MRM2: variants seen among roughly 807,000 people sequenced by gnomAD.
MRM2 encodes mitochondrial rRNA methyltransferase 2.
In MRM2, 15 loss-of-function variants were observed where a neutral mutation model predicts 10.9. The observed-to-expected ratio is 1.37, with a 90% confidence interval of 0.92 to 2.11. The LOEUF is 2.11. Ranked by LOEUF, MRM2 falls within the 30% of genes most tolerant of loss-of-function variation. The probability of loss-of-function intolerance (pLI) is 0.00; values close to 1 mark genes in which losing one functional copy is unlikely to be tolerated. For synonymous variants in MRM2, 139 were observed against 128.7 expected, an observed-to-expected ratio of 1.08 and a Z score of -0.54; for missense variants, 328 against 321.3, an observed-to-expected ratio of 1.02 and a Z score of -0.16.
chr7:2,239,629 G>A lies in MRM2; in HGVS notation c.87C>T (p.Gly29=), dbSNP rs183764913. The change falls in exon 2 of 3, where the codon GGC becomes GGT. Residue 29 remains glycine, a synonymous_variant. Transcript: ENST00000242257. ...TVGSRCKNRT[G]AEHLWLTRHL... ...GTCGGGTCAGCCACAGGTGCTCAGCGCCTGTCCGATTCTTGCAGCGACTCC... is the reference window on the plus strand; with the variant it reads ...GTCGGGTCAGCCACAGGTGCTCAGCACCTGTCCGATTCTTGCAGCGACTCC... 124 of 1,613,462 alleles carry A rather than the reference G, an allele frequency of 7.7e-5. No homozygotes were observed. The East Asian group carries it at 1.8e-3, about 24-fold the overall frequency.
intron 1 of MRM2, among the ~76,000 whole-genome samples, chr7:2,241,757 G>A (rs961354695): frequency 5.9e-5 from 9 of 152,256 alleles, no homozygotes; most frequent in African/African-American, 1.9e-4. Context: ...CTCGCTTAAG[G>A]GGTCTCCCGG....
At chr7:2,240,199 G>A (rs1794494843) in intron 1 of MRM2, 1 of 438,846 alleles carries the variant, frequency 2.3e-6, no homozygotes, top group Non-Finnish European at 4.6e-6. Flanking sequence ...TCCAGCCTGG[G>A]CGACAGAGCG....
chr7:2,234,931 G>T lies in MRM2; in HGVS notation c.*191C>A, dbSNP rs141067788. ...ATAGCGGACTTTTTCATTTTCCATG[G>T]CCCCTGAACTTAGTTTTGTCATCTC... On this transcript the variant is annotated 3_prime_UTR_variant, in exon 3 of 3. Coordinates refer to ENST00000242257, the MANE Select transcript of MRM2 (RefSeq NM_013393.3). 8 of 580,806 alleles carry T rather than the reference G, an allele frequency of 1.4e-5. No individual in the cohort carries two copies. The highest frequency in any genetic ancestry group is 1.1e-4 in the African/African-American group (6 of 53,478). 36.0% of individuals were successfully genotyped at this position (580,806 alleles called of 1,614,324 possible). A position where few individuals can be genotyped will look rare whatever the true frequency, so the allele number is the denominator to read the frequency against.
intron 2 of MRM2, among the ~76,000 whole-genome samples, chr7:2,235,849 T>A (rs983481724): frequency 1.3e-5 from 2 of 152,222 alleles, no homozygotes; most frequent in African/African-American, 2.4e-5. Flanking sequence ...TCAGGACTTC[T>A]GATTCCAAAT....
In MRM2 at chr7:2,235,327, C is replaced by T; in HGVS notation, c.536G>A (p.Ser179Asn). Reference sequence around the variant, plus strand: ...AGGTTGCAGGATGTCTGGGGTCACGCTGAGAAGGGTCAGGCACAGGCTGAT... The same window carrying T: ...AGGTTGCAGGATGTCTGGGGTCACGTTGAGAAGGGTCAGGCACAGGCTGAT... ...RLISLCLTLLSVTPDILQPGG... is the reference protein window; with the variant it reads ...RLISLCLTLLNVTPDILQPGG... The change falls in exon 3 of 3, where the codon AGC (serine) becomes AAC (asparagine). Residue 179 changes from serine to asparagine, a missense_variant. Ser to Asn is a conservative substitution (Grantham distance 46, BLOSUM62 1). Coordinates refer to ENST00000242257, the MANE Select transcript of MRM2 (RefSeq NM_013393.3). 6.2e-7 allele frequency: 1 copy of T among 1,614,144 alleles called. No homozygotes were observed. Among genetic ancestry groups the T allele is most frequent in the Non-Finnish European group, 8.5e-7 (1 of 1,180,040 alleles).
At chr7:2,235,674 C>T (rs756349220) in intron 2 of MRM2, 110 bp from the exon 3 acceptor site, 230 of 745,964 alleles carry the variant, frequency 3.1e-4, no homozygotes, top group Middle Eastern at 4.8e-4. Context: ...AAGACCAAGG[C>T]AAAGAGCTAA....
intron 2 of MRM2, among the ~76,000 whole-genome samples, chr7:2,236,832 T>A (rs1339872107): frequency 6.6e-6 from 1 of 151,986 alleles, no homozygotes; most frequent in Admixed American, 6.6e-5. Flanking sequence ...TGGAGGGGAC[T>A]GTTGGGGAGA....
intron 2 of MRM2, chr7:2,237,900 A>G (rs1220520951): frequency 6.6e-6 from 1 of 151,840 alleles, no homozygotes; most frequent in African/African-American, 2.4e-5. Context: ...ACAAAAAAAA[A>G]AAAAAAAAAA....
Position 2,242,148 on chromosome 7 carries a change from A to G in MRM2, c.8+14T>C. 1 of 1,583,058 alleles carries G rather than the reference A, an allele frequency of 6.3e-7. No individual in the cohort carries two copies. Among genetic ancestry groups the G allele is most frequent in the Non-Finnish European group, 8.6e-7 (1 of 1,168,672 alleles). ...TCCCGCTGTCTGCACGCGCAGCAGC[A>G]GCGCCCAGCTCACCCCGCCATTGGT... On this transcript the variant is annotated intron_variant, in intron 1 of 2. Coordinates refer to ENST00000242257, the MANE Select transcript of MRM2 (RefSeq NM_013393.3).
chr7:2,242,076 C>T, intron 1 of MRM2, 86 bp downstream of exon 1: 1 of 1,412,928 alleles, frequency 7.1e-7, no homozygotes. Context: ...CGGCACCCAG[C>T]CCCGAGGCCA....
chr7:2,238,237 C>A (rs1448249131), intron 2 of MRM2: 1 of 152,218 alleles, frequency 6.6e-6, no homozygotes, highest in Non-Finnish European at 1.5e-5. Context: ...CAGCAGGAAA[C>A]ATAAATGGCA....
chr7:2,235,389 A>G lies in MRM2; in HGVS notation c.474T>C (p.Asn158=). The part of the protein sequence containing the change: ...ADVILSDMAP[N]ATGFRDLDHD... ...GATCGAGGTCCCGGAACCCTGTGGC[A>G]TTGGGCGCCATGTCGCTCAGAATCA... Residue 158 remains asparagine (N), a synonymous_variant, in exon 3 of 3, where the codon AAT becomes AAC. Transcript: ENST00000242257. The G allele has an allele frequency of 6.2e-7, 1 of 1,614,088 alleles. No individual in the cohort carries two copies. Among genetic ancestry groups the G allele is most frequent in the Non-Finnish European group, 8.5e-7 (1 of 1,180,018 alleles).
chr7:2,239,468 G>A lies in MRM2; in HGVS notation c.248C>T (p.Pro83Leu), dbSNP rs1242217733. The change falls in exon 2 of 3, where the codon CCT becomes CTT. Residue 83 changes from proline to leucine, a missense_variant. Transcript: ENST00000242257. ...CACCGCCACCTGACTCCAGGCCCCAGGAGCTGCCCCACAGTCTAACACCCG... is the reference window on the plus strand; with the variant it reads ...CACCGCCACCTGACTCCAGGCCCCAAGAGCTGCCCCACAGTCTAACACCCG... ...GLRVLDCGAA[P>L]GAWSQVAVQK... is the part of the protein sequence containing the mutation. 6.2e-7 allele frequency: 1 copy of A among 1,613,606 alleles called. No individual in the cohort carries two copies. Among genetic ancestry groups the A allele is most frequent in the Admixed American group, 1.7e-5 (1 of 60,004 alleles).
chr7:2,239,667 AC>A lies in MRM2; in HGVS notation c.48del (p.Phe17SerfsTer19), dbSNP rs1562402160. ...KLVCVSFQRQ[G>X]FHTVGSRCKN... ...TTGCAGCGACTCCCAACAGTGTGGA[AC>A]CCTTGACGCTGAAAGGAAACACACA... On this transcript the variant is annotated frameshift_variant, in exon 2 of 3. Transcript: ENST00000242257. LOFTEE classifies it high-confidence loss of function. 6.2e-7 allele frequency: 1 copy of A among 1,613,930 alleles called. No homozygotes were observed. Among genetic ancestry groups the A allele is most frequent in the Non-Finnish European group, 8.5e-7 (1 of 1,179,948 alleles).
Position 2,235,080 on chromosome 7 carries a change from A to C in MRM2, c.*42T>G. On this transcript the variant is annotated 3_prime_UTR_variant, in exon 3 of 3. Coordinates refer to ENST00000242257, the MANE Select transcript of MRM2 (RefSeq NM_013393.3). Reference sequence around the variant, plus strand: ...GGAGCTCAGGCTACGTTTCTAGCTTAAAAGGAGCTAATGACCATTATGAAA... The same window carrying C: ...GGAGCTCAGGCTACGTTTCTAGCTTCAAAGGAGCTAATGACCATTATGAAA... 6.8e-7 allele frequency: 1 copy of C among 1,474,234 alleles called. No individual in the cohort carries two copies. The highest frequency in any genetic ancestry group is 9.4e-7 in the Non-Finnish European group (1 of 1,063,010). The allele number at this position is 1,474,234 out of a possible 1,614,324, so 91.3% of individuals were successfully genotyped here.
chr7:2,239,762 T>C, intron 1 of MRM2, 55 bp from the exon 2 acceptor site: 2 of 1,536,356 alleles, frequency 1.3e-6, no homozygotes, highest in African/African-American at 1.4e-5. Context: ...CGGCAGGTCA[T>C]GAGCTGGGAG....
At chr7:2,242,049 G>T in intron 1 of MRM2, 113 bp downstream of exon 1, 1 of 1,184,984 alleles carries the variant, frequency 8.4e-7, no homozygotes, top group Non-Finnish European at 1.2e-6. Flanking sequence ...CTGAGTGCGG[G>T]GACGGTGCCC....
chr7:2,235,167 G>C lies in MRM2; in HGVS notation c.696C>G (p.Phe232Leu), dbSNP rs761986955. The C allele has an allele frequency of 6.2e-7, 1 of 1,614,112 alleles. No individual in the cohort carries two copies. Among genetic ancestry groups the C allele is most frequent in the South Asian group, 1.1e-5 (1 of 91,086 alleles). Residue 232 changes from phenylalanine (F) to leucine (L), a missense_variant, in exon 3 of 3, where the codon TTC (phenylalanine) becomes TTG (leucine). Physicochemically the swap from Phe to Leu is conservative, Grantham distance 22. Coordinates refer to ENST00000242257, the MANE Select transcript of MRM2 (RefSeq NM_013393.3). ...TCCTTCCGTGGTACTGTGTGGCCAAGAAGTACACTTCTGATGACTCTTTCC... is the reference window on the plus strand; with the variant it reads ...TCCTTCCGTGGTACTGTGTGGCCAACAAGTACACTTCTGATGACTCTTTCC... ...ASRKESSEVYFLATQYHGRKG... is the reference protein window; with the variant it reads ...ASRKESSEVYLLATQYHGRKG...
At chr7:2,236,866 G>A (rs1794427850) in intron 2 of MRM2, among the ~76,000 whole-genome samples, 1 of 152,144 alleles carries the variant, frequency 6.6e-6, no homozygotes, top group South Asian at 2.1e-4. Context: ...CTTGTGAAGA[G>A]GGGGCTTTGA....
Sources: allele counts gnomAD v4.1 joint callset (sites outside exome capture counted in the v4.1 genomes callset), GRCh38; gene constraint gnomAD v4.1.1; transcripts MANE v1.5; gene names NCBI Gene and HGNC (gene_info 2026-07-23, HGNC 2026-07-21).